KIZ: variants seen among roughly 807,000 people sequenced by gnomAD.
KIZ encodes centrosomal protein kizuna.
A neutral mutation model predicts 79.6 loss-of-function variants in KIZ; 68 were observed. The observed-to-expected ratio is 0.85, with a 90% CI of 0.70 to 1.05. The LOEUF is 1.05. Among genes scored for constraint, KIZ ranks in the 50% least tolerant of loss-of-function variants. KIZ has a pLI of 0.00. For missense variants in KIZ, 797 were observed against 800.4 expected, an observed-to-expected ratio of 1.00 and a Z score of 0.05; for synonymous variants, 280 against 281.8, an observed-to-expected ratio of 0.99 and a Z score of 0.06.
intron 9 of KIZ, chr20:21,218,028 C>T (rs959763317): frequency 6.6e-6 from 1 of 152,198 alleles, no homozygotes; most frequent in Non-Finnish European, 1.5e-5. Context: ...AAGACCCACA[C>T]AAGCACAGTA....
intron 1 of KIZ, among the ~76,000 whole-genome samples, chr20:21,131,526 C>T (rs2031842167): frequency 6.6e-6 from 1 of 152,188 alleles, no homozygotes; most frequent in Admixed American, 6.5e-5. Flanking sequence ...CAGAGCAAGC[C>T]ACCAGTCTTC....
Position 21,205,660 on chromosome 20 carries a change from A to T in KIZ, c.1446+76A>T, listed in dbSNP as rs1286575957. On this transcript the variant is annotated intron_variant, in intron 7 of 12. Coordinates refer to ENST00000619189, the MANE Select transcript of KIZ (RefSeq NM_018474.6). ...GGGTAAGGTTAGTAATTTTTATTTA[A>T]AAAAAAAAAAAAAAAGTTTTGGCCA... 9.1e-5 allele frequency: 20 copies of T among 219,980 alleles called. No homozygotes were observed. In the African/African-American group the frequency reaches 1.0e-3, roughly 11 times the overall value. 13.6% of individuals were successfully genotyped at this position (219,980 alleles called of 1,614,324 possible).
At chr20:21,127,062 TA>T (rs2031527974) in intron 1 of KIZ, among the ~76,000 whole-genome samples, 1 of 152,224 alleles carries the variant, frequency 6.6e-6, no homozygotes, top group Non-Finnish European at 1.5e-5. Context: ...GTGACAGTGC[TA>T]AAATGATAAC....
intron 1 of KIZ, among the ~76,000 whole-genome samples, chr20:21,128,452 G>T (rs1015516638): frequency 3.3e-5 from 5 of 152,116 alleles, no homozygotes; most frequent in Non-Finnish European, 5.9e-5. Context: ...AAACTTCTGG[G>T]AAGTGGGAGA....
chr20:21,128,591 C>T (rs2031635078), intron 1 of KIZ, among the ~76,000 whole-genome samples: 1 of 152,176 alleles, frequency 6.6e-6, no homozygotes, highest in African/African-American at 2.4e-5. Flanking sequence ...ATTTTATCGT[C>T]TGAATGTTTT....
intron 11 of KIZ, among the ~76,000 whole-genome samples, chr20:21,242,087 G>A (rs191583021): frequency 1.1e-4 from 16 of 152,292 alleles, no homozygotes; most frequent in Admixed American, 2.0e-4. Flanking sequence ...GCTGTGCACC[G>A]CCTTACCCAG....
At chr20:21,197,685 T>C (rs964427631) in intron 6 of KIZ, 1 of 152,256 alleles carries the variant, frequency 6.6e-6, no homozygotes, top group African/African-American at 2.4e-5. Flanking sequence ...TGCCCCATTT[T>C]ATGTCTTTGT....
chr20:21,133,539 A>T (rs1600347576), intron 2 of KIZ, among the ~76,000 whole-genome samples: 1 of 152,244 alleles, frequency 6.6e-6, no homozygotes, highest in Admixed American at 6.5e-5. Context: ...GGGCACTTTT[A>T]CCAAGCCGTC....
At chr20:21,209,983 C>G (rs2036000810) in intron 7 of KIZ, among the ~76,000 whole-genome samples, 1 of 152,014 alleles carries the variant, frequency 6.6e-6, no homozygotes. Context: ...GAAAACTGGC[C>G]ATTTTCCTAC....
intron 6 of KIZ, chr20:21,166,491 G>A (rs900058551): frequency 2.6e-5 from 41 of 1,567,428 alleles, no homozygotes; most frequent in East Asian, 4.5e-5. Context: ...ATGAGAAACC[G>A]GACGATGACT....
intron 9 of KIZ, among the ~76,000 whole-genome samples, chr20:21,223,274 T>G (rs2036558024): frequency 6.6e-6 from 1 of 152,234 alleles, no homozygotes; most frequent in Non-Finnish European, 1.5e-5. Context: ...CAGCTCGTTT[T>G]GGGAATGTTG....
intron 6 of KIZ, chr20:21,198,410 G>C (rs1255744260): frequency 6.6e-6 from 1 of 152,210 alleles, no homozygotes; most frequent in Non-Finnish European, 1.5e-5. Context: ...GCAGAGAATA[G>C]ATTATTACTC....
chr20:21,238,334 T>TGTGAGA (rs562429766), intron 11 of KIZ, among the ~76,000 whole-genome samples: 4 of 95,662 alleles, frequency 4.2e-5, no homozygotes, highest in African/African-American at 1.2e-4. Flanking sequence ...CATAAGGGTG[T>TGTGAGA]GAGAGAGAGA....
chr20:21,159,740 AT>A (rs2033567124), intron 4 of KIZ, among the ~76,000 whole-genome samples: 1 of 152,178 alleles, frequency 6.6e-6, no homozygotes, highest in African/African-American at 2.4e-5. Flanking sequence ...GTATGAATGT[AT>A]TACATTTTAT....
intron 3 of KIZ, among the ~76,000 whole-genome samples, chr20:21,140,301 A>G (rs2032443143): frequency 6.6e-6 from 1 of 152,172 alleles, no homozygotes; most frequent in African/African-American, 2.4e-5. Flanking sequence ...ACACCCCAAA[A>G]TGCCACAGGT....
At chr20:21,238,585 G>C (rs142617212) in intron 11 of KIZ, among the ~76,000 whole-genome samples, 2 of 152,056 alleles carry the variant, frequency 1.3e-5, no homozygotes, top group South Asian at 4.1e-4. Context: ...GTCTGGCTTC[G>C]GGCCCTGACC....
chr20:21,143,211 A>G (rs375264980), intron 3 of KIZ, among the ~76,000 whole-genome samples: 4 of 151,894 alleles, frequency 2.6e-5, no homozygotes, highest in East Asian at 3.8e-4. Flanking sequence ...CTCTGTACCC[A>G]TTTCCTCAAC....
At chr20:21,232,363 A>G (rs910445483) in intron 10 of KIZ, among the ~76,000 whole-genome samples, 1 of 152,104 alleles carries the variant, frequency 6.6e-6, no homozygotes, top group Non-Finnish European at 1.5e-5. Flanking sequence ...ATGGGTCTCA[A>G]TTATTTCTGA....
At chr20:21,197,380 C>T (rs984549565) in intron 6 of KIZ, 2 of 152,224 alleles carry the variant, frequency 1.3e-5, no homozygotes, top group African/African-American at 4.8e-5. Context: ...CATTTTTCTA[C>T]ATTCAGAAAT....
Sources: gnomAD v4.1 joint callset for allele counts (sites outside exome capture counted in the v4.1 genomes callset) on GRCh38, gnomAD v4.1.1 for gene constraint, MANE v1.5 for transcripts, NCBI Gene and HGNC (gene_info 2026-07-23, HGNC 2026-07-21) for gene names.